The following SLC22A3 variants were observed in gnomAD, a reference collection of about 807,000 sequenced individuals.
SLC22A3 encodes solute carrier family 22 member 3.
A neutral mutation model predicts 59.1 loss-of-function variants in SLC22A3; 51 were observed. The ratio of observed to expected loss-of-function variants is 0.86; its 90% CI spans 0.69 to 1.09. The LOEUF is 1.09. SLC22A3 is among the 50% of genes least tolerant of loss of function. The pLI, the probability that SLC22A3 is intolerant of heterozygous loss-of-function variation, is 0.00. For synonymous variants in SLC22A3, 325 were observed against 292.0 expected (o/e 1.11, Z -1.15); for missense variants, 711 against 726.3 (o/e 0.98, Z 0.24).
At chr6:160,434,552 G>A (rs1323108847) in intron 5 of SLC22A3, among the ~76,000 whole-genome samples, 1 of 152,202 alleles carries the variant, frequency 6.6e-6, no homozygotes, top group Non-Finnish European at 1.5e-5. Context: ...GCTTAGTCTA[G>A]AATCTAATAT....
intron 1 of SLC22A3, among the ~76,000 whole-genome samples, chr6:160,360,317 C>T (rs890706914): frequency 6.6e-6 from 1 of 152,002 alleles, no homozygotes; most frequent in East Asian, 1.9e-4. Flanking sequence ...AATTAGCCAG[C>T]CGTGATGGCA....
chr6:160,372,577 T>A (rs993420412), intron 1 of SLC22A3, among the ~76,000 whole-genome samples: 4 of 152,038 alleles, frequency 2.6e-5, no homozygotes, highest in African/African-American at 9.7e-5. Flanking sequence ...CTGGATAATA[T>A]CCTGAAGAGT....
At chr6:160,446,608 C>T (rs1467519868) in intron 9 of SLC22A3, among the ~76,000 whole-genome samples, 1 of 152,138 alleles carries the variant, frequency 6.6e-6, no homozygotes, top group African/African-American at 2.4e-5. Context: ...CAGTCACCTC[C>T]CACCAGGTCC....
intron 1 of SLC22A3, among the ~76,000 whole-genome samples, chr6:160,376,495 C>T (rs1044412332): frequency 1.3e-4 from 20 of 151,518 alleles, no homozygotes; most frequent in Non-Finnish European, 2.1e-4. Flanking sequence ...CAAACCTGCA[C>T]ATGTATCCCA....
chr6:160,374,715 A>C (rs1358357602), intron 1 of SLC22A3, among the ~76,000 whole-genome samples: 1 of 152,140 alleles, frequency 6.6e-6, no homozygotes, highest in East Asian at 1.9e-4. Flanking sequence ...CACAGGGCTC[A>C]TCTCTGGGGA....
At chr6:160,398,588 T>C (rs1007600940) in intron 2 of SLC22A3, among the ~76,000 whole-genome samples, 4 of 152,218 alleles carry the variant, frequency 2.6e-5, no homozygotes, top group Admixed American at 2.6e-4. Context: ...GGAGTTTTTT[T>C]CTATTATTTT....
intron 1 of SLC22A3, among the ~76,000 whole-genome samples, chr6:160,383,501 C>T (rs965112237): frequency 6.6e-6 from 1 of 152,182 alleles, no homozygotes; most frequent in African/African-American, 2.4e-5. Context: ...ACTCCTTCCC[C>T]ACCCTCCTAA....
At chr6:160,447,872 G>A in intron 10 of SLC22A3, 54 bp downstream of exon 10, 2 of 1,282,488 alleles carry the variant, frequency 1.6e-6, no homozygotes, top group African/African-American at 2.9e-5. Flanking sequence ...AAAACCACGG[G>A]GGAAAGAATG....
intron 5 of SLC22A3, among the ~76,000 whole-genome samples, chr6:160,432,938 A>T (rs948217882): frequency 3.3e-5 from 5 of 152,182 alleles, no homozygotes; most frequent in Non-Finnish European, 5.9e-5. Context: ...CTGTAATAGG[A>T]ATGATAGTAG....
intron 1 of SLC22A3, among the ~76,000 whole-genome samples, chr6:160,356,073 T>C (rs1784830116): frequency 6.6e-6 from 1 of 152,242 alleles, no homozygotes; most frequent in African/African-American, 2.4e-5. Flanking sequence ...TTGGCACGTG[T>C]AATGCTTTTT....
chr6:160,438,610 AC>A (rs1198612809), intron 7 of SLC22A3, among the ~76,000 whole-genome samples: 2 of 151,906 alleles, frequency 1.3e-5, no homozygotes, highest in African/African-American at 4.8e-5. Context: ...ACACACACAC[AC>A]ACACACACAC....
intron 5 of SLC22A3, among the ~76,000 whole-genome samples, chr6:160,434,767 TAGA>T (rs1402963537): frequency 2.0e-5 from 3 of 152,192 alleles, no homozygotes; most frequent in Non-Finnish European, 4.4e-5. Flanking sequence ...TCTTCAAATT[TAGA>T]AGGTTAGCTC....
chr6:160,411,472 T>C (rs1787245912), intron 5 of SLC22A3, among the ~76,000 whole-genome samples: 1 of 152,166 alleles, frequency 6.6e-6, no homozygotes, highest in East Asian at 1.9e-4. Flanking sequence ...GTGTAATGGC[T>C]CACTCCTATA....
chr6:160,410,943 C>A (rs1787223450), intron 5 of SLC22A3, 97 bp downstream of exon 5: 3 of 627,908 alleles, frequency 4.8e-6, no homozygotes, highest in African/African-American at 1.8e-5. Context: ...AATTTATATA[C>A]AAAATATGCA....
At chr6:160,409,911 G>A (rs73590836) in intron 4 of SLC22A3, among the ~76,000 whole-genome samples, 4,106 of 152,216 alleles carry the variant, frequency 0.027, 173 homozygotes, top group African/African-American at 0.095. Context: ...TTCTCTGTGT[G>A]TTCTATAAAG....
chr6:160,374,967 G>C (rs1198164733), intron 1 of SLC22A3, among the ~76,000 whole-genome samples: 1 of 152,234 alleles, frequency 6.6e-6, no homozygotes, highest in Non-Finnish European at 1.5e-5. Context: ...CACAGAGACA[G>C]AGCAAGAGCA....
intron 1 of SLC22A3, among the ~76,000 whole-genome samples, chr6:160,394,493 G>A (rs1304182158): frequency 1.3e-5 from 2 of 152,222 alleles, no homozygotes; most frequent in Non-Finnish European, 2.9e-5. Context: ...CTGACTCTAT[G>A]AGCAAGAGTC....
rs1444405847 is a variant in SLC22A3 at position 160,355,729 on chromosome 6, A to G, written c.429+6881A>G. On this transcript the variant is annotated intron_variant, in intron 1 of 10. Transcript: ENST00000275300. The stretch of plus-strand genomic sequence containing the variant: ...GGAGCTTGCAGTAAGCTGAGATCGC[A>G]CCACTGCACTCCAGCCTGGGCGACA... Among the ~76,000 whole-genome samples the G allele has an allele frequency of 4.6e-5, 7 of 152,062 alleles. No individual in the cohort carries two copies. In the East Asian group the frequency reaches 1.2e-3, roughly 25 times the overall value.
chr6:160,360,465 A>G (rs1784978139), intron 1 of SLC22A3, among the ~76,000 whole-genome samples: 1 of 152,250 alleles, frequency 6.6e-6, no homozygotes, highest in East Asian at 1.9e-4. Flanking sequence ...TCTTAAAAAA[A>G]GGATATATAC....
Sources: gnomAD v4.1 joint callset for allele counts (sites outside exome capture counted in the v4.1 genomes callset) on GRCh38, gnomAD v4.1.1 for gene constraint, MANE v1.5 for transcripts, NCBI Gene and HGNC (gene_info 2026-07-23, HGNC 2026-07-21) for gene names.